Variants in PPM1D observed in about 807,000 individuals in gnomAD.
PPM1D encodes protein phosphatase, Mg2+/Mn2+ dependent 1D, also known as protein phosphatase 1D.
PPM1D carries 52 observed loss-of-function variants against 58.3 expected under a neutral mutation model. The ratio of observed to expected loss-of-function variants is 0.89; its 90% confidence interval spans 0.71 to 1.12. The LOEUF is 1.12. PPM1D is among the 50% of genes most tolerant of loss of function. PPM1D has a pLI of 0.00. For synonymous variants in PPM1D, 278 were observed against 285.1 expected, an observed-to-expected ratio of 0.98 and a Z score of 0.25; for missense variants, 564 against 777.2, an observed-to-expected ratio of 0.73 and a Z score of 3.26.
chr17:60,640,735 T>A (rs2031117494), intron 3 of PPM1D, among the ~76,000 whole-genome samples: 1 of 152,204 alleles, frequency 6.6e-6, no homozygotes, highest in Non-Finnish European at 1.5e-5. Context: ...TGTTGCCATC[T>A]GTATCTTCAT....
intron 2 of PPM1D, among the ~76,000 whole-genome samples, chr17:60,626,088 T>C (rs112504034): frequency 8.5e-5 from 13 of 152,342 alleles, no homozygotes; most frequent in African/African-American, 3.1e-4. Context: ...CAGTCTCCTA[T>C]TGAAGGATTT....
At chr17:60,624,656 C>G (rs993781036) in intron 2 of PPM1D, among the ~76,000 whole-genome samples, 6 of 152,008 alleles carry the variant, frequency 3.9e-5, no homozygotes, top group Admixed American at 6.6e-5. Context: ...TGTGGTGGCA[C>G]ATGCCTGTAA....
chr17:60,616,676 A>G (rs1598401575), intron 1 of PPM1D, among the ~76,000 whole-genome samples: 2 of 152,350 alleles, frequency 1.3e-5, no homozygotes, highest in Admixed American at 1.3e-4. Flanking sequence ...ATAGATTAGT[A>G]GGATGAGTTT....
At chr17:60,646,292 C>G (rs1486530433) in intron 3 of PPM1D, among the ~76,000 whole-genome samples, 1 of 152,148 alleles carries the variant, frequency 6.6e-6, no homozygotes, top group Non-Finnish European at 1.5e-5. Context: ...TTGCTACTTT[C>G]AAGTGGGAGT....
intron 3 of PPM1D, among the ~76,000 whole-genome samples, chr17:60,645,614 A>ATATATATATGTATATATATGTGTG (rs1567974806): frequency 8.2e-6 from 1 of 121,506 alleles, no homozygotes; most frequent in Admixed American, 7.9e-5. Context: ...ATATGTGTGT[A>ATATATATATGTATATATATGTGTG]TATATATATG....
intron 1 of PPM1D, among the ~76,000 whole-genome samples, chr17:60,616,628 G>C (rs1362671732): frequency 6.6e-6 from 1 of 151,892 alleles, no homozygotes; most frequent in African/African-American, 2.4e-5. Flanking sequence ...AAAGAATTGA[G>C]GGATACTTAA....
chr17:60,655,229 G>A (rs753599804), intron 4 of PPM1D, among the ~76,000 whole-genome samples: 13 of 151,730 alleles, frequency 8.6e-5, no homozygotes, highest in East Asian at 1.9e-4. Context: ...CATTTTCTTC[G>A]ATTTGCAGAA....
intron 4 of PPM1D, among the ~76,000 whole-genome samples, chr17:60,648,843 A>G (rs1192422438): frequency 6.7e-6 from 1 of 148,852 alleles, no homozygotes; most frequent in Non-Finnish European, 1.5e-5. Flanking sequence ...AGCTCACTCT[A>G]ACCTCTGCCT....
At chr17:60,642,833 G>A (rs991969347) in intron 3 of PPM1D, among the ~76,000 whole-genome samples, 16 of 151,992 alleles carry the variant, frequency 1.1e-4, no homozygotes, top group Non-Finnish European at 2.1e-4. Context: ...TTGGAAGGCC[G>A]AGGTGGGCGG....
At chr17:60,641,137 C>T (rs1316763667) in intron 3 of PPM1D, among the ~76,000 whole-genome samples, 2 of 152,138 alleles carry the variant, frequency 1.3e-5, no homozygotes, top group African/African-American at 4.8e-5. Flanking sequence ...ATTGCTAGAT[C>T]GAATGGTAGT....
At chr17:60,659,139 A>G (rs1029025314) in intron 5 of PPM1D, among the ~76,000 whole-genome samples, 1 of 152,202 alleles carries the variant, frequency 6.6e-6, no homozygotes, top group Non-Finnish European at 1.5e-5. Context: ...TGATCTAACA[A>G]CTAACAAAAG....
At chr17:60,602,841 G>T (rs1251589266) in intron 1 of PPM1D, among the ~76,000 whole-genome samples, 1 of 149,096 alleles carries the variant, frequency 6.7e-6, no homozygotes, top group Admixed American at 6.7e-5. Context: ...AGGAAACGAA[G>T]GTTTAAATTT....
chr17:60,603,868 A>G (rs567933766), intron 1 of PPM1D, among the ~76,000 whole-genome samples: 2 of 152,226 alleles, frequency 1.3e-5, no homozygotes, highest in Non-Finnish European at 2.9e-5. Flanking sequence ...ATGCATATGT[A>G]GTAGGAAAAA....
At chr17:60,660,625 G>A (rs2031510032) in intron 5 of PPM1D, among the ~76,000 whole-genome samples, 1 of 151,886 alleles carries the variant, frequency 6.6e-6, no homozygotes, top group South Asian at 2.1e-4. Context: ...GCTGGGCATG[G>A]TGGTGAGCAC....
rs772936724 is a variant in PPM1D at position 60,663,281 on chromosome 17, C to A, written c.1547C>A (p.Ser516Ter). Residue 516 changes from serine to a stop codon, truncating the protein, a stop_gained, in exon 6 of 6, where the codon TCA (serine) becomes TAA (stop). Transcript: ENST00000305921. LOFTEE classifies it high-confidence loss of function. ...ATGGACCAAAAAAATTTGAAGATGTCAACTCCTGGCCAAATGAAAGCCCAA... is the reference window on the plus strand; with the variant it reads ...ATGGACCAAAAAAATTTGAAGATGTAAACTCCTGGCCAAATGAAAGCCCAA... ...TVMDQKNLKM[S>*]TPGQMKAQEI... is the part of the protein sequence containing the mutation. The A allele has an allele frequency of 6.2e-7, 1 of 1,614,162 alleles. No homozygotes were observed. Among genetic ancestry groups the A allele is most frequent in the Non-Finnish European group, 8.5e-7 (1 of 1,180,024 alleles).
intron 3 of PPM1D, among the ~76,000 whole-genome samples, chr17:60,647,487 G>A (rs2031270247): frequency 6.6e-6 from 1 of 152,014 alleles, no homozygotes; most frequent in African/African-American, 2.4e-5. Context: ...ATGTATAAAT[G>A]AAATTATCTG....
chr17:60,621,534 A>G (rs984352573), intron 1 of PPM1D, among the ~76,000 whole-genome samples: 2 of 149,176 alleles, frequency 1.3e-5, no homozygotes, highest in African/African-American at 2.5e-5. Context: ...AGCTGGGACT[A>G]CAGGCACACA....
chr17:60,648,686 T>C (rs183927140), intron 4 of PPM1D, among the ~76,000 whole-genome samples: 1 of 150,430 alleles, frequency 6.6e-6, no homozygotes, highest in African/African-American at 2.4e-5. Context: ...GGCCAAAATT[T>C]ATCCTTTTAA....
intron 3 of PPM1D, among the ~76,000 whole-genome samples, chr17:60,642,388 G>A: frequency 1.4e-5 from 2 of 141,740 alleles, no homozygotes; most frequent in South Asian, 4.4e-4. Flanking sequence ...ATTTAAAGGA[G>A]TTTAATTGGG....
Sources: allele counts gnomAD v4.1 joint callset (sites outside exome capture counted in the v4.1 genomes callset), GRCh38; gene constraint gnomAD v4.1.1; transcripts MANE v1.5; gene names NCBI Gene and HGNC (gene_info 2026-07-23, HGNC 2026-07-21).